NEK3: variants seen among roughly 807,000 people sequenced by gnomAD.
The protein encoded by NEK3 is serine/threonine-protein kinase Nek3.
Under a neutral mutation model 66.0 loss-of-function variants are expected in NEK3, and 54 were observed. The ratio of observed to expected loss-of-function variants is 0.82; its 90% CI spans 0.66 to 1.03. The LOEUF (loss-of-function observed/expected upper bound fraction) is 1.03. Ranked by LOEUF, NEK3 falls within the 50% of genes least tolerant of loss-of-function variation. The pLI, the probability that NEK3 is intolerant of heterozygous loss-of-function variation, is 0.00. For synonymous variants in NEK3, 200 were observed against 206.2 expected (o/e 0.97, Z 0.26); for missense variants, 593 against 603.0 (o/e 0.98, Z 0.17).
chr13:52,158,579 A>G (rs904432782), intron 1 of NEK3, among the ~76,000 whole-genome samples: 2 of 152,240 alleles, frequency 1.3e-5, no homozygotes, highest in African/African-American at 4.8e-5. Context: ...CAGACTTCTT[A>G]GCTGAAAACC....
chr13:52,138,482 A>G (rs1956222800), intron 11 of NEK3, among the ~76,000 whole-genome samples: 1 of 152,230 alleles, frequency 6.6e-6, no homozygotes, highest in Non-Finnish European at 1.5e-5. Context: ...GAAAAAAAGT[A>G]TAGAGGTCTG....
chr13:52,135,653 AT>A (rs1956197736), intron 14 of NEK3, 75 bp downstream of exon 14: 2 of 1,346,354 alleles, frequency 1.5e-6, no homozygotes, highest in African/African-American at 2.9e-5. Flanking sequence ...TCAAATGTAA[AT>A]TTTATGTTAT....
chr13:52,142,527 C>T (rs1353895121), intron 10 of NEK3, among the ~76,000 whole-genome samples: 6 of 152,184 alleles, frequency 3.9e-5, no homozygotes, highest in Non-Finnish European at 8.8e-5. Context: ...CTACCCGCCT[C>T]GGCTTCCCTA....
chr13:52,144,346 G>A (rs1594025512), intron 9 of NEK3, among the ~76,000 whole-genome samples: 1 of 152,300 alleles, frequency 6.6e-6, no homozygotes, highest in East Asian at 1.9e-4. Context: ...AACCAGGGAG[G>A]TGGAGGTTGC....
intron 11 of NEK3, among the ~76,000 whole-genome samples, chr13:52,139,389 G>A (rs1004877790): frequency 6.6e-6 from 1 of 152,194 alleles, no homozygotes; most frequent in Admixed American, 6.5e-5. Flanking sequence ...GGGGCTACCA[G>A]ATTTGAGATT....
intron 15 of NEK3, among the ~76,000 whole-genome samples, 199 bp from the exon 16 acceptor site, chr13:52,133,425 C>G (rs575965969): frequency 6.6e-6 from 1 of 151,934 alleles, no homozygotes; most frequent in Non-Finnish European, 1.5e-5. Context: ...AAATATAAAT[C>G]CTAATATATT....
At chr13:52,142,424 C>T (rs1182406117) in intron 10 of NEK3, among the ~76,000 whole-genome samples, 3 of 152,012 alleles carry the variant, frequency 2.0e-5, no homozygotes, top group Non-Finnish European at 4.4e-5. Flanking sequence ...TTACAGGCAC[C>T]TGCCACCACG....
rs760846474 is a variant in NEK3 at position 52,152,596 on chromosome 13, G to A, written c.393+13C>T. 3.2e-6 allele frequency: 5 copies of A among 1,538,866 alleles called. No individual in the cohort carries two copies. Among genetic ancestry groups the A allele is most frequent in the Non-Finnish European group, 4.4e-6 (5 of 1,129,372 alleles). ...ACTTTTTTTTTTTAAGTCCAAAAAT[G>A]TACTCCACTCACCTTGGACTTGATA... On this transcript the variant is annotated intron_variant, in intron 5 of 15. Transcript: ENST00000610828.
Position 52,156,414 on chromosome 13 carries a change from T to G in NEK3, c.-57-166A>C, listed in dbSNP as rs1038971978. On this transcript the variant is annotated intron_variant, in intron 1 of 15. Coordinates refer to ENST00000610828, the MANE Select transcript of NEK3 (RefSeq NM_002498.3). ...ATGCCACTTTCATGTAAGAATTGTT[T>G]TGAGCTGAAACCAATTTGCTCTTTG... 1.3e-5 allele frequency: 5 copies of G among 371,938 alleles called. No individual in the cohort carries two copies. The East Asian group carries it at 2.5e-4, about 18-fold the overall frequency. The allele number at this position is 371,938 out of a possible 1,614,324, so 23.0% of individuals were successfully genotyped here. A position where few individuals can be genotyped will look rare whatever the true frequency, so the allele number is the denominator to read the frequency against.
rs957746960 is a variant in NEK3, at chr13:52,145,163, T to C, written c.604-272A>G. Reference sequence around the variant, plus strand: ...TTAGTCCTAATGTTTTTTGCAGATATACATTATTAATATATATTGAAAATC... The same window carrying C: ...TTAGTCCTAATGTTTTTTGCAGATACACATTATTAATATATATTGAAAATC... On this transcript the variant is annotated intron_variant, in intron 8 of 15. Transcript: ENST00000610828. Among the ~76,000 whole-genome samples, 8 of 152,180 alleles carry C rather than the reference T, an allele frequency of 5.3e-5. No homozygotes were observed. The South Asian group carries it at 1.4e-3, about 28-fold the overall frequency.
chr13:52,146,639 T>A (rs979194790), intron 8 of NEK3, among the ~76,000 whole-genome samples: 1 of 152,262 alleles, frequency 6.6e-6, no homozygotes, highest in Non-Finnish European at 1.5e-5. Context: ...CAACTTGGGC[T>A]GTACATTGTA....
rs763335853 is a variant in NEK3, at chr13:52,144,739, G to A, written c.756C>T (p.Leu252=). The A allele has an allele frequency of 3.1e-6, 5 of 1,613,976 alleles. No homozygotes were observed. The highest frequency in any genetic ancestry group is 1.1e-5 in the South Asian group (1 of 91,076). The change falls in exon 9 of 16, where the codon CTC becomes CTT. Residue 252 remains leucine, a synonymous_variant. Coordinates refer to ENST00000610828, the MANE Select transcript of NEK3 (RefSeq NM_002498.3). ...CAAGCCGAGCTACGATGCCTCGAGA[G>A]AGAAGCGTTGTAGCCGAGGGGCGAT... ...PSHRPSATTL[L]SRGIVARLVQ... is the part of the protein sequence containing the mutation.
In NEK3 at chr13:52,152,213, G is replaced by A. The variant is rs183432085; in HGVS notation, c.393+396C>T. The stretch of plus-strand genomic sequence containing the variant: ...TATGACAAGTAAGTTCCAGTGATCT[G>A]TTGTACAACATGGTGACTATAGTTA... On this transcript the variant is annotated intron_variant, in intron 5 of 15. Transcript: ENST00000610828. 1.4e-4 allele frequency among the ~76,000 whole-genome samples: 21 copies of A among 152,306 alleles called. No individual in the cohort carries two copies. In the East Asian group the frequency reaches 4.0e-3, roughly 29 times the overall value.
intron 11 of NEK3, among the ~76,000 whole-genome samples, chr13:52,137,942 G>C (rs987071308): frequency 6.6e-5 from 10 of 152,186 alleles, no homozygotes; most frequent in African/African-American, 2.4e-4. Flanking sequence ...ATATTGCTGT[G>C]TTCACTACAG....
At chr13:52,151,762 C>T (rs1956348712) in intron 5 of NEK3, among the ~76,000 whole-genome samples, 1 of 152,210 alleles carries the variant, frequency 6.6e-6, no homozygotes, top group Non-Finnish European at 1.5e-5. Context: ...TTAATATACA[C>T]AGTCACATGC....
At position 52,136,189 on chromosome 13, in the gene NEK3, T is replaced by A; in HGVS notation, c.1101A>T (p.Val367=). Reference sequence around the variant, plus strand: ...CCAAAGCTGTAAGAGCTGTATTGGGTACATTTTTCTCCCACTGTCGTCTAT... The same window carrying A: ...CCAAAGCTGTAAGAGCTGTATTGGGAACATTTTTCTCCCACTGTCGTCTAT... ...NLHRRQWEKN[V]PNTALTALEN... is the part of the protein sequence containing the mutation. Residue 367 remains valine (V), a synonymous_variant, in exon 13 of 16, where the codon GTA becomes GTT. Coordinates refer to ENST00000610828, the MANE Select transcript of NEK3 (RefSeq NM_002498.3). 1 of 1,613,814 alleles carries A rather than the reference T, an allele frequency of 6.2e-7. No individual in the cohort carries two copies. Among genetic ancestry groups the A allele is most frequent in the Non-Finnish European group, 8.5e-7 (1 of 1,179,724 alleles).
chr13:52,140,757 C>T (rs565559560), intron 11 of NEK3, among the ~76,000 whole-genome samples: 9 of 152,118 alleles, frequency 5.9e-5, no homozygotes, highest in Admixed American at 2.0e-4. Context: ...TCACAGTCTT[C>T]CAAATATCTT....
intron 2 of NEK3, among the ~76,000 whole-genome samples, chr13:52,155,699 C>G (rs1421161533): frequency 6.6e-6 from 1 of 151,852 alleles, no homozygotes; most frequent in Non-Finnish European, 1.5e-5. Context: ...TTTTTTGAGA[C>G]AGAGTCTTAT....
At chr13:52,140,970 A>T in intron 11 of NEK3, 50 bp downstream of exon 11, 1 of 1,463,068 alleles carries the variant, frequency 6.8e-7, no homozygotes, top group Non-Finnish European at 9.3e-7. Flanking sequence ...TTGCACCACC[A>T]CGCCCGGCCA....
Sources: gnomAD v4.1 joint callset for allele counts (sites outside exome capture counted in the v4.1 genomes callset) on GRCh38, gnomAD v4.1.1 for gene constraint, MANE v1.5 for transcripts, NCBI Gene and HGNC (gene_info 2026-07-23, HGNC 2026-07-21) for gene names.